The following RGPD8 variants were observed in gnomAD, a reference collection of about 807,000 sequenced individuals.
The protein encoded by RGPD8 is RANBP2-like and GRIP domain-containing protein 8.
RGPD8 carries 15 observed loss-of-function variants against 89.1 expected under a neutral mutation model. The ratio of observed to expected loss-of-function variants is 0.17; its 90% CI spans 0.11 to 0.26. RGPD8 has a LOEUF of 0.26. Ranked by LOEUF, RGPD8 falls within the 10% of genes least tolerant of loss-of-function variation. The pLI is 1.00. For missense variants in RGPD8, 178 were observed against 1,179.6 expected (o/e 0.15, Z 12.44); for synonymous variants, 62 against 420.9 (o/e 0.15, Z 10.44).
intron 22 of RGPD8, among the ~76,000 whole-genome samples, chr2:112,373,473 C>T (rs1215709778): frequency 6.6e-6 from 1 of 152,278 alleles, no homozygotes; most frequent in Non-Finnish European, 1.5e-5. Context: ...TACACCCAAA[C>T]CCACAGAAAG....
At chr2:112,411,186 C>A (rs1296222701) in intron 7 of RGPD8, among the ~76,000 whole-genome samples, 1 of 151,846 alleles carries the variant, frequency 6.6e-6, no homozygotes, top group Admixed American at 6.6e-5. Flanking sequence ...TAAAATTAAT[C>A]ATCTTTCTAA....
In RGPD8 at chr2:112,390,072, C is replaced by T. The variant is rs545307999; in HGVS notation, c.2873G>A (p.Arg958His). 1.2e-5 allele frequency: 19 copies of T among 1,574,104 alleles called. 2 individuals are homozygous for T. The highest frequency in any genetic ancestry group is 4.6e-4 in the Middle Eastern group (2 of 4,336). Residue 958 changes from arginine to histidine, a missense_variant, in exon 20 of 23, where the codon CGT becomes CAT. Transcript: ENST00000302558. ...ACTTGTTTGGCCAAAAATCACACCA[C>T]GGCCCTTCTTCCGGCCCCTAATATC... ...AQDIRGRKKGRGVIFGQTSST... is the reference protein window; with the variant it reads ...AQDIRGRKKGHGVIFGQTSST...
chr2:112,385,324 CAGAAAA>C (rs1678432716), intron 20 of RGPD8, among the ~76,000 whole-genome samples: 3 of 148,234 alleles, frequency 2.0e-5, no homozygotes, highest in African/African-American at 7.4e-5. Flanking sequence ...AAATTAGAAA[CAGAAAA>C]AACTTCTATA....
chr2:112,411,149 T>C (rs1346373824), intron 7 of RGPD8, among the ~76,000 whole-genome samples: 2 of 152,408 alleles, frequency 1.3e-5, no homozygotes, highest in African/African-American at 2.4e-5. Flanking sequence ...TCCTTTTTTT[T>C]CCCTCCCCAA....
intron 1 of RGPD8, among the ~76,000 whole-genome samples, chr2:112,428,281 T>C (rs1451433078): frequency 6.6e-6 from 1 of 150,618 alleles, no homozygotes; most frequent in Non-Finnish European, 1.5e-5. Context: ...CCATCTCTAC[T>C]AAAAATAGAA....
chr2:112,372,099 TGGACTGGAGAAG>T (rs1205999157), intron 22 of RGPD8, among the ~76,000 whole-genome samples: 1 of 36,838 alleles, frequency 2.7e-5, no homozygotes, highest in African/African-American at 1.2e-4. Flanking sequence ...ATCTGAAGGC[TGGACTGGAGAAG>T]AATCTACTTC....
rs1313873105 is a variant in RGPD8, at chr2:112,395,848, C to A, written c.2467-1095G>T. Among the ~76,000 whole-genome samples, 6 of 152,384 alleles carry A rather than the reference C, an allele frequency of 3.9e-5. No individual in the cohort carries two copies. The East Asian group carries it at 9.7e-4, about 25-fold the overall frequency. Reference sequence around the variant, plus strand: ...TGCCTTGACAAGATGGCAGATAGATCCAATGCCGTCTAGTGTAGCTATGTG... The same window carrying A: ...TGCCTTGACAAGATGGCAGATAGATACAATGCCGTCTAGTGTAGCTATGTG... On this transcript the variant is annotated intron_variant, in intron 17 of 22. Coordinates refer to ENST00000302558, the MANE Select transcript of RGPD8 (RefSeq NM_001164463.1).
intron 1 of RGPD8, among the ~76,000 whole-genome samples, chr2:112,424,808 T>C (rs1388685411): frequency 1.3e-5 from 2 of 151,656 alleles, no homozygotes; most frequent in East Asian, 3.9e-4. Flanking sequence ...TTTAATTCTA[T>C]TTAATTCTAG....
chr2:112,370,624 C>T (rs1677939526), intron 22 of RGPD8, among the ~76,000 whole-genome samples: 1 of 138,136 alleles, frequency 7.2e-6, no homozygotes, highest in Non-Finnish European at 1.6e-5. Flanking sequence ...CCTCCCACTT[C>T]AGCCTCACAG....
chr2:112,372,719 A>G (rs1484743889), intron 22 of RGPD8, among the ~76,000 whole-genome samples: 1 of 29,374 alleles, frequency 3.4e-5, no homozygotes, highest in East Asian at 8.0e-4. Flanking sequence ...CCTTAGGTAA[A>G]TAAGAATTGG....
At chr2:112,411,218 G>A (rs1679181604) in intron 7 of RGPD8, among the ~76,000 whole-genome samples, 1 of 150,262 alleles carries the variant, frequency 6.7e-6, no homozygotes, top group Non-Finnish European at 1.5e-5. Context: ...TGTTTTTTTG[G>A]AAGACTGCTT....
At chr2:112,370,633 A>T (rs1236706262) in intron 22 of RGPD8, among the ~76,000 whole-genome samples, 1 of 137,496 alleles carries the variant, frequency 7.3e-6, no homozygotes, top group Non-Finnish European at 1.6e-5. Flanking sequence ...TCAGCCTCAC[A>T]GTGTTGGGAT....
rs1482702087 is a variant in RGPD8 at position 112,387,248 on chromosome 2, A to G, written c.4921+776T>C. On this transcript the variant is annotated intron_variant, in intron 20 of 22. Transcript: ENST00000302558. ...TATACCACCAATCTGACTGTCTTAC[A>G]TATTCATTTATCCCTGTAGTTTCAT... 3 of 49,574 alleles carry G rather than the reference A, an allele frequency of 6.1e-5. No individual in the cohort carries two copies. The South Asian group carries it at 3.7e-3, about 61-fold the overall frequency. 3.1% of individuals were successfully genotyped at this position (49,574 alleles called of 1,614,324 possible).
intron 7 of RGPD8, among the ~76,000 whole-genome samples, chr2:112,408,812 C>T (rs1424440842): frequency 2.0e-5 from 3 of 151,952 alleles, no homozygotes; most frequent in South Asian, 2.1e-4. Flanking sequence ...GCTGGGACTA[C>T]AGGCACCCGC....
At chr2:112,381,942 G>C (rs139497282) in intron 20 of RGPD8, among the ~76,000 whole-genome samples, 15,522 of 141,426 alleles carry the variant, frequency 0.11, 14 homozygotes, top group Non-Finnish European at 0.12. Context: ...TATTAATCCT[G>C]AGTGTTGTCT....
rs1680124832 is a variant in RGPD8 at position 112,433,087 on chromosome 2, G to T, written c.72+295C>A. ...CGCCGCCTCAACAGAGCGCGCCAGG[G>T]AGCAGCGCCCTCGGGAGCCATGACC... On this transcript the variant is annotated intron_variant, in intron 1 of 22. Coordinates refer to ENST00000302558, the MANE Select transcript of RGPD8 (RefSeq NM_001164463.1). 3.1e-5 allele frequency among the ~76,000 whole-genome samples: 3 copies of T among 96,658 alleles called. No individual in the cohort carries two copies. The South Asian group carries it at 1.2e-3, about 37-fold the overall frequency. The allele number at this position is 96,658 out of a possible 152,430, so 63.4% of individuals were successfully genotyped here. A position where few individuals can be genotyped will look rare whatever the true frequency, so the allele number is the denominator to read the frequency against.
intron 7 of RGPD8, among the ~76,000 whole-genome samples, chr2:112,410,502 G>A (rs1284922284): frequency 2.6e-5 from 4 of 151,956 alleles, no homozygotes; most frequent in Admixed American, 2.6e-4. Flanking sequence ...TACAGGCCGG[G>A]CTCAATGGCT....
At position 112,387,741 on chromosome 2, in the gene RGPD8, G is replaced by A. The variant is rs1254638488; in HGVS notation, c.4921+283C>T. On this transcript the variant is annotated intron_variant, in intron 20 of 22. Coordinates refer to ENST00000302558, the MANE Select transcript of RGPD8 (RefSeq NM_001164463.1). ...TTTAAAAAAAGACTCACGTTAATGC[G>A]CATGATTCAAGCATGACTCCGTACA... Among the ~76,000 whole-genome samples, 24 of 144,394 alleles carry A rather than the reference G, an allele frequency of 1.7e-4. 4 individuals carry two copies. Among genetic ancestry groups the A allele is most frequent in the East Asian group, 5.8e-4 (3 of 5,166 alleles). The allele number at this position is 144,394 out of a possible 152,430, so 94.7% of individuals were successfully genotyped here.
At chr2:112,410,904 G>C (rs1398210421) in intron 7 of RGPD8, among the ~76,000 whole-genome samples, 2 of 152,300 alleles carry the variant, frequency 1.3e-5, no homozygotes, top group Non-Finnish European at 2.9e-5. Flanking sequence ...TGACCAACAT[G>C]GAGAAACCTC....
Sources: gnomAD v4.1 joint callset for allele counts (sites outside exome capture counted in the v4.1 genomes callset) on GRCh38, gnomAD v4.1.1 for gene constraint, MANE v1.5 for transcripts, NCBI Gene and HGNC (gene_info 2026-07-23, HGNC 2026-07-21) for gene names.